The following ARFGAP1 variants were observed in gnomAD, a reference collection of about 807,000 sequenced individuals.
The protein encoded by ARFGAP1 is ARF GTPase activating protein 1.
ARFGAP1 carries 26 observed loss-of-function variants against 54.0 expected under a neutral mutation model. The ratio of observed to expected loss-of-function variants is 0.48; its 90% CI spans 0.35 to 0.67. The LOEUF (loss-of-function observed/expected upper bound fraction) is 0.67. Among genes scored for constraint, ARFGAP1 ranks in the 30% least tolerant of loss-of-function variants. ARFGAP1 has a pLI of 0.00. For synonymous variants in ARFGAP1, 248 were observed against 211.9 expected (o/e 1.17, Z -1.48); for missense variants, 525 against 535.8 (o/e 0.98, Z 0.20).
chr20:63,286,445 A>T lies in ARFGAP1; in HGVS notation c.911+3A>T. On this transcript the variant is annotated splice_donor_region_variant and intron_variant, in intron 12 of 12. Coordinates refer to ENST00000370283, the MANE Select transcript of ARFGAP1 (RefSeq NM_018209.4). The stretch of plus-strand genomic sequence containing the variant: ...AAAGCAGAGGGCCCCTTGGACAGGT[A>T]TGCTGTGTCCCCTCCTGGGCCTTGC... The T allele has an allele frequency of 6.2e-7, 1 of 1,612,994 alleles. No individual in the cohort carries two copies. Among genetic ancestry groups the T allele is most frequent in the Non-Finnish European group, 8.5e-7 (1 of 1,179,796 alleles).
intron 7 of ARFGAP1, chr20:63,279,363 G>A (rs900271126): frequency 7.3e-5 from 27 of 369,392 alleles, no homozygotes; most frequent in Middle Eastern, 9.6e-4. Flanking sequence ...CTACTATCAC[G>A]TCAGGCTAAT....
intron 7 of ARFGAP1, among the ~76,000 whole-genome samples, chr20:63,280,923 G>A (rs956988709): frequency 1.3e-5 from 2 of 152,210 alleles, no homozygotes; most frequent in African/African-American, 2.4e-5. Context: ...TACGCTGGTC[G>A]TGACCCCACA....
rs142332171 is a variant in ARFGAP1 at position 63,276,710 on chromosome 20, C to A, written c.342+59C>A. 3 of 1,527,636 alleles carry A rather than the reference C, an allele frequency of 2.0e-6. No homozygotes were observed. Among genetic ancestry groups the A allele is most frequent in the African/African-American group, 2.8e-5 (2 of 72,580 alleles). 94.6% of individuals were successfully genotyped at this position (1,527,636 alleles called of 1,614,324 possible). A position where few individuals can be genotyped will look rare whatever the true frequency, so the allele number is the denominator to read the frequency against. ...TGTGGGGCTGCCCTGCCGTTTGTGG[C>A]AGCTGGACTGTGGCCTTTAGTGGTT... On this transcript the variant is annotated intron_variant, in intron 4 of 12. Coordinates refer to ENST00000370283, the MANE Select transcript of ARFGAP1 (RefSeq NM_018209.4). This position sits in a 1 kb window ranked among gnomAD's most constrained non-coding sequence, Gnocchi z 5.2.
Position 63,288,364 on chromosome 20 carries a change from G to A in ARFGAP1, c.*491G>A. 4.4e-6 allele frequency: 2 copies of A among 456,842 alleles called. No individual in the cohort carries two copies. Among genetic ancestry groups the A allele is most frequent in the Non-Finnish European group, 8.8e-6 (2 of 227,330 alleles). 28.3% of individuals were successfully genotyped at this position (456,842 alleles called of 1,614,324 possible). ...TGGTAAAGATGGAAATGCTGGAAAT[G>A]ATACTGGCGCTCACGCTGCCATCCG... On this transcript the variant is annotated 3_prime_UTR_variant, in exon 13 of 13. Transcript: ENST00000370283.
At chr20:63,287,533 A>G (rs779279447) in intron 12 of ARFGAP1, 31 bp from the exon 13 acceptor site, 3 of 1,545,992 alleles carry the variant, frequency 1.9e-6, no homozygotes, top group African/African-American at 1.4e-5. Context: ...AGTAACAGTC[A>G]TTTAGAGTCC....
At chr20:63,286,203 CG>C (rs1469033756) in intron 11 of ARFGAP1, 162 bp from the exon 12 acceptor site, 2 of 1,549,012 alleles carry the variant, frequency 1.3e-6, no homozygotes, top group African/African-American at 2.7e-5. Context: ...GCAGAGTGGC[CG>C]GGGCGTCTGT....
intron 2 of ARFGAP1, among the ~76,000 whole-genome samples, chr20:63,275,861 G>A (rs2067222202): frequency 6.6e-6 from 1 of 152,230 alleles, no homozygotes; most frequent in South Asian, 2.1e-4. Flanking sequence ...GGGGGTGGGG[G>A]CGCCTCCACA....
chr20:63,284,113 A>G (rs1054438616), intron 9 of ARFGAP1: 2 of 1,338,950 alleles, frequency 1.5e-6, no homozygotes, highest in Non-Finnish European at 1.9e-6. Flanking sequence ...CCCCCGGGCA[A>G]AAAAATGAGA....
In ARFGAP1 at chr20:63,285,671, T is replaced by C. The variant is rs757751068; in HGVS notation, c.792T>C (p.Ile264=). 5.6e-6 allele frequency: 9 copies of C among 1,613,678 alleles called. No individual in the cohort carries two copies. The South Asian group carries it at 9.9e-5, about 18-fold the overall frequency. ...PAQEKVKEGK[I]FDDVSSGVSQ... ...CCGTGCAGGTGAAGGAGGGAAAGAT[T>C]TTTGATGATGTCTCCAGTGGGGTCT... Residue 264 remains isoleucine (I), a synonymous_variant, in exon 11 of 13, where the codon ATT becomes ATC. Transcript: ENST00000370283.
intron 6 of ARFGAP1, chr20:63,278,505 T>A: frequency 2.2e-6 from 1 of 463,324 alleles, no homozygotes; most frequent in East Asian, 4.1e-5. Flanking sequence ...GACCCCCAGC[T>A]GCCCAGGTGT....
rs1313526703 is a variant in ARFGAP1 at position 63,276,518 on chromosome 20, T to A, written c.209T>A (p.Ile70Asn). The A allele has an allele frequency of 1.9e-6, 3 of 1,613,880 alleles. No individual in the cohort carries two copies. The highest frequency in any genetic ancestry group is 2.7e-5 in the African/African-American group (2 of 75,040). ...GTTACTATGGACAAGTGGAAGGACA[T>A]TGAGCTTGAGAAGATGAAAGCTGGT... The part of the protein sequence containing the change: ...RSVTMDKWKD[I>N]ELEKMKAGGN... Residue 70 changes from isoleucine to asparagine, a missense_variant, in exon 4 of 13, where the codon ATT becomes AAT. Physicochemically the swap from Ile to Asn is moderately radical, Grantham distance 149. Coordinates refer to ENST00000370283, the MANE Select transcript of ARFGAP1 (RefSeq NM_018209.4). This position sits in a 1 kb window ranked among gnomAD's most constrained non-coding sequence, Gnocchi z 5.2.
intron 11 of ARFGAP1, 199 bp downstream of exon 11, chr20:63,285,912 A>T: frequency 6.8e-7 from 1 of 1,461,078 alleles, no homozygotes; most frequent in Non-Finnish European, 9.1e-7. Context: ...CGGCCCGGTC[A>T]GCCACTAACT....
At position 63,288,636 on chromosome 20, in the gene ARFGAP1, G is replaced by T; in HGVS notation, c.*763G>T. 1 of 400,886 alleles carries T rather than the reference G, an allele frequency of 2.5e-6. No homozygotes were observed. The highest frequency in any genetic ancestry group is 5.1e-6 in the Non-Finnish European group (1 of 197,604). 24.8% of individuals were successfully genotyped at this position (400,886 alleles called of 1,614,324 possible). On this transcript the variant is annotated 3_prime_UTR_variant, in exon 13 of 13. Transcript: ENST00000370283. ...GGGCCCTCGGCCCTGATGCAGGAGG[G>T]TGCGATAGCGGACGTGGCCAGGCAG...
chr20:63,279,198 CCT>C, intron 7 of ARFGAP1: 1 of 653,956 alleles, frequency 1.5e-6, no homozygotes, highest in Admixed American at 2.3e-5. Context: ...TCAATCACTT[CCT>C]TTTTTTTTTT....
intron 7 of ARFGAP1, among the ~76,000 whole-genome samples, chr20:63,279,753 G>A (rs777108381): frequency 6.6e-6 from 1 of 152,222 alleles, no homozygotes; most frequent in Non-Finnish European, 1.5e-5. Flanking sequence ...CAGATGTTCA[G>A]AGTATGACAC....
In ARFGAP1 at chr20:63,286,667, G is replaced by A. The variant is rs567582506; in HGVS notation, c.911+225G>A. Reference sequence around the variant, plus strand: ...GGAGGGGGCACTGTGGAGGCTTTCCGAGTGCTCTGCAGCTGCAGAGGCCTG... The same window carrying A: ...GGAGGGGGCACTGTGGAGGCTTTCCAAGTGCTCTGCAGCTGCAGAGGCCTG... On this transcript the variant is annotated intron_variant, in intron 12 of 12. Coordinates refer to ENST00000370283, the MANE Select transcript of ARFGAP1 (RefSeq NM_018209.4). 37 of 542,066 alleles carry A rather than the reference G, an allele frequency of 6.8e-5. No individual in the cohort carries two copies. In the Admixed American group the frequency reaches 8.7e-4, roughly 13 times the overall value. The allele number at this position is 542,066 out of a possible 1,614,324, so 33.6% of individuals were successfully genotyped here. A position where few individuals can be genotyped will look rare whatever the true frequency, so the allele number is the denominator to read the frequency against.
At position 63,278,138 on chromosome 20, in the gene ARFGAP1, T is replaced by C. The variant is rs1333620130; in HGVS notation, c.465T>C (p.Ser155=). 1 of 1,613,704 alleles carries C rather than the reference T, an allele frequency of 6.2e-7. No homozygotes were observed. The highest frequency in any genetic ancestry group is 2.2e-5 in the East Asian group (1 of 44,888). Residue 155 remains serine, a synonymous_variant, in exon 6 of 13, where the codon AGT becomes AGC. Coordinates refer to ENST00000370283, the MANE Select transcript of ARFGAP1 (RefSeq NM_018209.4). ...MVHRVSGQPQ[S]VTASSDKAFE... is the part of the protein sequence containing the mutation. ...TCAGAGTCTCTGGCCAGCCGCAGAG[T>C]GTGACCGCCTCCTCGGACAAGGCTT...
At position 63,283,532 on chromosome 20, in the gene ARFGAP1, A is replaced by G. The variant is rs1215085388; in HGVS notation, c.717+681A>G. ...GGGTGTCCTTTCTCACGAGGTGCCC[A>G]TCCGTCACCCCCGTGGCCCATATCA... On this transcript the variant is annotated intron_variant, in intron 9 of 12. Coordinates refer to ENST00000370283, the MANE Select transcript of ARFGAP1 (RefSeq NM_018209.4). 10 of 387,714 alleles carry G rather than the reference A, an allele frequency of 2.6e-5. No individual in the cohort carries two copies. The South Asian group carries it at 2.9e-4, about 11-fold the overall frequency. 24.0% of individuals were successfully genotyped at this position (387,714 alleles called of 1,614,324 possible).
At chr20:63,283,705 G>C in intron 9 of ARFGAP1, 1 of 803,620 alleles carries the variant, frequency 1.2e-6, no homozygotes, top group Non-Finnish European at 2.0e-6. Flanking sequence ...GCAGGGAGCG[G>C]CTGCTCCAGG....
Sources: gnomAD v4.1 joint callset for allele counts (sites outside exome capture counted in the v4.1 genomes callset) on GRCh38, gnomAD v4.1.1 for gene constraint, Gnocchi (gnomAD v3.1) non-coding constraint, MANE v1.5 for transcripts, NCBI Gene and HGNC (gene_info 2026-07-23, HGNC 2026-07-21) for gene names.